Variants in LHFPL4 observed in about 807,000 individuals in gnomAD.
LHFPL4 encodes the protein LHFPL tetraspan subfamily member 4 protein.
LHFPL4 carries 6 observed loss-of-function variants against 20.0 expected under a neutral mutation model. The ratio of observed to expected loss-of-function variants is 0.30; its 90% CI spans 0.16 to 0.59. The LOEUF (loss-of-function observed/expected upper bound fraction) is 0.59, where lower values mean the gene tolerates loss of function less well. LHFPL4 is among the 20% of genes least tolerant of loss of function. The pLI is 0.88. For synonymous variants in LHFPL4, 129 were observed against 143.8 expected (o/e 0.90, Z 0.74); for missense variants, 215 against 331.2 (o/e 0.65, Z 2.72).
intron 2 of LHFPL4, among the ~76,000 whole-genome samples, chr3:9,541,639 G>A (rs781160792): frequency 5.3e-5 from 8 of 152,054 alleles, no homozygotes; most frequent in African/African-American, 1.2e-4. Context: ...AAGTGTGGTG[G>A]CGTGTGCCTG....
intron 2 of LHFPL4, among the ~76,000 whole-genome samples, chr3:9,539,807 G>A (rs1312825261): frequency 6.6e-6 from 1 of 151,838 alleles, no homozygotes; most frequent in East Asian, 1.9e-4. Flanking sequence ...TTTAAGAAAT[G>A]ACAGTTTAAA....
intron 2 of LHFPL4, among the ~76,000 whole-genome samples, chr3:9,522,404 C>G (rs2046343959): frequency 6.6e-6 from 1 of 152,032 alleles, no homozygotes. Context: ...CACTGTTGCT[C>G]TATTTTAAAC....
intron 2 of LHFPL4, among the ~76,000 whole-genome samples, chr3:9,519,098 C>T (rs888638175): frequency 2.6e-5 from 4 of 151,932 alleles, no homozygotes; most frequent in South Asian, 2.1e-4. Context: ...CCACCATGCC[C>T]GTCTAATTCT....
At position 9,552,267 on chromosome 3, in the gene LHFPL4, C is replaced by T. The variant is rs750283220; in HGVS notation, c.406+7G>A. 1 of 1,586,132 alleles carries T rather than the reference C, an allele frequency of 6.3e-7. No homozygotes were observed. Among genetic ancestry groups the T allele is most frequent in the South Asian group, 1.1e-5 (1 of 88,092 alleles). On this transcript the variant is annotated splice_region_variant and intron_variant, in intron 2 of 3. Transcript: ENST00000287585. Reference sequence around the variant, plus strand: ...GTTCTGGGAGTTCCGTCCACCCCCTCCCCTACCTGCCAAGAGCTGCATCCA... The same window carrying T: ...GTTCTGGGAGTTCCGTCCACCCCCTTCCCTACCTGCCAAGAGCTGCATCCA...
At position 9,500,516 on chromosome 3, in the gene LHFPL4, A is replaced by G; in HGVS notation, c.*1695T>C. 6.6e-6 allele frequency: 1 copy of G among 152,302 alleles called. No homozygotes were observed. The highest frequency in any genetic ancestry group is 2.1e-4 in the South Asian group (1 of 4,832). The allele number at this position is 152,302 out of a possible 1,614,324, so 9.4% of individuals were successfully genotyped here. ...ACATCTGATTCCGGCTAGGGTCCAG[A>G]GTGGGGAGACAGGCAGGGGACTTCT... On this transcript the variant is annotated 3_prime_UTR_variant, in exon 4 of 4. Coordinates refer to ENST00000287585, the MANE Select transcript of LHFPL4 (RefSeq NM_198560.3).
chr3:9,515,744 GGA>G (rs2046296115), intron 2 of LHFPL4, among the ~76,000 whole-genome samples: 2 of 150,780 alleles, frequency 1.3e-5, no homozygotes, highest in African/African-American at 2.4e-5. Flanking sequence ...CTTTTGAGAG[GGA>G]GTCTCCCTCT....
intron 2 of LHFPL4, among the ~76,000 whole-genome samples, chr3:9,545,373 T>A (rs2046505094): frequency 6.6e-6 from 1 of 152,046 alleles, no homozygotes; most frequent in South Asian, 2.1e-4. Flanking sequence ...CCAAATCAAA[T>A]CTGAAACAAG....
chr3:9,527,282 A>G (rs1289823684), intron 2 of LHFPL4, among the ~76,000 whole-genome samples: 1 of 152,146 alleles, frequency 6.6e-6, no homozygotes, highest in Non-Finnish European at 1.5e-5. Flanking sequence ...TAAAAACATA[A>G]TTTTGACCAG....
At chr3:9,515,962 A>T (rs1559516737) in intron 2 of LHFPL4, among the ~76,000 whole-genome samples, 1 of 151,338 alleles carries the variant, frequency 6.6e-6, no homozygotes, top group Non-Finnish European at 1.5e-5. Flanking sequence ...TGATCCACCC[A>T]CCTCAGCCTC....
rs2046170547 is a variant in LHFPL4, at chr3:9,501,254, GT to G, written c.*956del. The G allele has an allele frequency of 6.5e-6, 1 of 152,794 alleles. No individual in the cohort carries two copies. The highest frequency in any genetic ancestry group is 1.5e-5 in the Non-Finnish European group (1 of 68,264). 9.5% of individuals were successfully genotyped at this position (152,794 alleles called of 1,614,324 possible). On this transcript the variant is annotated 3_prime_UTR_variant, in exon 4 of 4. Transcript: ENST00000287585. ...GAGGGCATGAAAAGGGGCAGAAGGG[GT>G]AATGCATCCCCCAACTCCCCACCTC...
Position 9,500,584 on chromosome 3 carries a change from T to C in LHFPL4, c.*1627A>G, listed in dbSNP as rs1267884027. 1 of 152,118 alleles carries C rather than the reference T, an allele frequency of 6.6e-6. No homozygotes were observed. The highest frequency in any genetic ancestry group is 1.5e-5 in the Non-Finnish European group (1 of 68,040). The allele number at this position is 152,118 out of a possible 1,614,324, so 9.4% of individuals were successfully genotyped here. On this transcript the variant is annotated 3_prime_UTR_variant, in exon 4 of 4. Transcript: ENST00000287585. Reference sequence around the variant, plus strand: ...CCCTAACTCTCAGGTCCAAGTCCTGTGGAAATGAACACAAGGTTGGCAAAC... The same window carrying C: ...CCCTAACTCTCAGGTCCAAGTCCTGCGGAAATGAACACAAGGTTGGCAAAC...
chr3:9,517,532 G>C (rs112612752), intron 2 of LHFPL4, among the ~76,000 whole-genome samples: 67 of 151,596 alleles, frequency 4.4e-4, no homozygotes, highest in African/African-American at 1.4e-3. Flanking sequence ...CAGAGACCCT[G>C]TCTGTACCAA....
rs377290512 is a variant in LHFPL4 at position 9,546,088 on chromosome 3, C to T, written c.406+6186G>A. On this transcript the variant is annotated intron_variant, in intron 2 of 3. Transcript: ENST00000287585. ...CAGTACTTTGGGAGGCCGAGGCCAGCGGATCACTTGAGGTCAGCAGTTCGA... is the reference window on the plus strand; with the variant it reads ...CAGTACTTTGGGAGGCCGAGGCCAGTGGATCACTTGAGGTCAGCAGTTCGA... Among the ~76,000 whole-genome samples the T allele has an allele frequency of 9.3e-4, 142 of 151,994 alleles. 1 individual carries two copies. Among genetic ancestry groups the T allele is most frequent in the South Asian group, 9.1e-3 (44 of 4,818 alleles).
At chr3:9,551,388 C>T (rs559073372) in intron 2 of LHFPL4, among the ~76,000 whole-genome samples, 5 of 151,864 alleles carry the variant, frequency 3.3e-5, no homozygotes, top group Admixed American at 6.6e-5. Flanking sequence ...CTCTTCCCTG[C>T]CAGCAATTAG....
At chr3:9,544,067 A>T (rs2046496018) in intron 2 of LHFPL4, among the ~76,000 whole-genome samples, 1 of 152,122 alleles carries the variant, frequency 6.6e-6, no homozygotes. Flanking sequence ...TACTCTAATT[A>T]TGTAAAAACA....
chr3:9,502,063 TCTC>T lies in LHFPL4; in HGVS notation c.*145_*147del. ...CCCCCAGGCCACATCCAGGCTTTCC[TCTC>T]CTCAAAGCCTGGAGCTTGCAGGGTA... On this transcript the variant is annotated 3_prime_UTR_variant, in exon 4 of 4. Coordinates refer to ENST00000287585, the MANE Select transcript of LHFPL4 (RefSeq NM_198560.3). 1 of 657,280 alleles carries T rather than the reference TCTC, an allele frequency of 1.5e-6. No individual in the cohort carries two copies. The highest frequency in any genetic ancestry group is 2.8e-6 in the Non-Finnish European group (1 of 363,580). 40.7% of individuals were successfully genotyped at this position (657,280 alleles called of 1,614,324 possible).
intron 2 of LHFPL4, among the ~76,000 whole-genome samples, chr3:9,526,153 A>T (rs1170533610): frequency 6.6e-6 from 1 of 152,236 alleles, no homozygotes; most frequent in Non-Finnish European, 1.5e-5. Context: ...GTATGATTCC[A>T]TTTATATGAG....
At chr3:9,502,347 T>C in intron 3 of LHFPL4, 36 bp from the exon 4 acceptor site, 12 of 1,392,610 alleles carry the variant, frequency 8.6e-6, no homozygotes, top group South Asian at 2.3e-5. Flanking sequence ...GGAGAGAGAA[T>C]TAGAGAAAGT....
chr3:9,517,932 T>C (rs1410969888), intron 2 of LHFPL4, among the ~76,000 whole-genome samples: 1 of 152,002 alleles, frequency 6.6e-6, no homozygotes, highest in Non-Finnish European at 1.5e-5. Context: ...TCTTTTCTTA[T>C]TGCATTAAGG....
Sources: allele counts gnomAD v4.1 joint callset (sites outside exome capture counted in the v4.1 genomes callset), GRCh38; gene constraint gnomAD v4.1.1; transcripts MANE v1.5; gene names NCBI Gene and HGNC (gene_info 2026-07-23, HGNC 2026-07-21).